The following CDKAL1 variants were observed in gnomAD, a reference collection of about 807,000 sequenced individuals.
The protein encoded by CDKAL1 is CDKAL1 threonylcarbamoyladenosine tRNA methylthiotransferase, also known as threonylcarbamoyladenosine tRNA methylthiotransferase.
CDKAL1 carries 32 observed loss-of-function variants against 68.2 expected under a neutral mutation model. The observed-to-expected ratio is 0.47, with a 90% confidence interval of 0.35 to 0.63. The LOEUF (loss-of-function observed/expected upper bound fraction) is 0.63. CDKAL1 is among the 30% of genes least tolerant of loss of function. The pLI is 0.00. For synonymous variants in CDKAL1, 234 were observed against 244.3 expected (o/e 0.96, Z 0.39); for missense variants, 606 against 696.7 (o/e 0.87, Z 1.47).
chr6:20,748,309 T>C (rs774753080), intron 6 of CDKAL1, among the ~76,000 whole-genome samples: 3 of 152,026 alleles, frequency 2.0e-5, no homozygotes, highest in Non-Finnish European at 4.4e-5. Flanking sequence ...GGCAACATAC[T>C]GAAACCTTGT....
intron 15 of CDKAL1, among the ~76,000 whole-genome samples, chr6:21,216,233 C>T (rs564144291): frequency 3.9e-5 from 6 of 152,030 alleles, no homozygotes; most frequent in South Asian, 2.1e-4. Flanking sequence ...AATTTGTTAC[C>T]GCAGCAATTG....
intron 4 of CDKAL1, among the ~76,000 whole-genome samples, chr6:20,587,171 GA>G (rs1229624367): frequency 6.6e-6 from 1 of 151,794 alleles, no homozygotes; most frequent in Non-Finnish European, 1.5e-5. Context: ...ATTTTTAGTA[GA>G]GACGCGGTTT....
At chr6:20,661,296 GC>G (rs1372251284) in intron 5 of CDKAL1, among the ~76,000 whole-genome samples, 1 of 152,076 alleles carries the variant, frequency 6.6e-6, no homozygotes, top group Non-Finnish European at 1.5e-5. Flanking sequence ...TTCTGTTGTT[GC>G]GAGGATTTTG....
intron 11 of CDKAL1, among the ~76,000 whole-genome samples, chr6:21,003,610 A>T (rs1437660222): frequency 6.6e-6 from 1 of 151,908 alleles, no homozygotes; most frequent in Non-Finnish European, 1.5e-5. Context: ...AAATATTTTA[A>T]ATAGTTCTTA....
At chr6:20,870,121 C>T (rs1760126081) in intron 9 of CDKAL1, among the ~76,000 whole-genome samples, 1 of 152,072 alleles carries the variant, frequency 6.6e-6, no homozygotes, top group South Asian at 2.1e-4. Flanking sequence ...AGAGAAAAAC[C>T]TATTCGCTTC....
intron 7 of CDKAL1, among the ~76,000 whole-genome samples, chr6:20,772,280 A>T (rs1342886980): frequency 1.3e-5 from 2 of 152,186 alleles, no homozygotes; most frequent in Admixed American, 6.5e-5. Context: ...TTTAGAATTC[A>T]GGAGAGTCTG....
intron 13 of CDKAL1, among the ~76,000 whole-genome samples, chr6:21,184,129 C>T (rs1300770164): frequency 2.0e-5 from 3 of 151,684 alleles, no homozygotes; most frequent in Non-Finnish European, 4.4e-5. Flanking sequence ...TCTGGTATAG[C>T]ATCACATGAC....
At chr6:20,914,917 A>G (rs562795623) in intron 9 of CDKAL1, among the ~76,000 whole-genome samples, 128 of 152,268 alleles carry the variant, frequency 8.4e-4, no homozygotes, top group African/African-American at 2.9e-3. Flanking sequence ...ATGCCTGAAC[A>G]TATTTTTTTA....
intron 5 of CDKAL1, among the ~76,000 whole-genome samples, chr6:20,662,128 AAG>A (rs1769312413): frequency 6.6e-6 from 1 of 152,162 alleles, no homozygotes; most frequent in African/African-American, 2.4e-5. Flanking sequence ...TGTTTGCTCT[AAG>A]AGTGACAAAC....
chr6:20,544,507 A>G (rs1456801144), intron 2 of CDKAL1, among the ~76,000 whole-genome samples: 1 of 148,484 alleles, frequency 6.7e-6, no homozygotes, highest in Non-Finnish European at 1.5e-5. Context: ...GAGGCAGGAG[A>G]ATGGCGTGAA....
chr6:20,816,431 T>G (rs1009931074), intron 8 of CDKAL1, among the ~76,000 whole-genome samples: 4 of 152,164 alleles, frequency 2.6e-5, no homozygotes, highest in African/African-American at 9.7e-5. Context: ...TGTGCTAGCA[T>G]TTAGTTATAC....
chr6:20,661,256 A>C lies in CDKAL1; in HGVS notation c.371+11879A>C, dbSNP rs568035199. ...ATATGTGAATGAATTCATTTTATTC[A>C]TCTTATGTCACAGTTTTGTTTAGTC... On this transcript the variant is annotated intron_variant, in intron 5 of 15. Coordinates refer to ENST00000274695, the MANE Select transcript of CDKAL1 (RefSeq NM_017774.3). Among the ~76,000 whole-genome samples, 12 of 152,290 alleles carry C rather than the reference A, an allele frequency of 7.9e-5. No individual in the cohort carries two copies. In the South Asian group the frequency reaches 2.5e-3, roughly 32 times the overall value.
chr6:20,894,107 T>A (rs1189753982), intron 9 of CDKAL1, among the ~76,000 whole-genome samples: 1 of 152,204 alleles, frequency 6.6e-6, no homozygotes, highest in Non-Finnish European at 1.5e-5. Flanking sequence ...TATTGGTAGT[T>A]CATTAGCTTA....
chr6:20,732,444 T>A (rs932330754), intron 5 of CDKAL1, among the ~76,000 whole-genome samples: 3 of 149,964 alleles, frequency 2.0e-5, no homozygotes, highest in Non-Finnish European at 4.5e-5. Context: ...CCTGGCTATT[T>A]TTTTTTTTTT....
At chr6:20,952,812 A>C (rs1764599025) in intron 9 of CDKAL1, among the ~76,000 whole-genome samples, 1 of 152,258 alleles carries the variant, frequency 6.6e-6, no homozygotes, top group Admixed American at 6.5e-5. Context: ...ATGACTAATC[A>C]GGAGACTTTC....
chr6:20,829,221 A>G (rs753101289), intron 8 of CDKAL1, among the ~76,000 whole-genome samples: 25 of 152,346 alleles, frequency 1.6e-4, no homozygotes, highest in Admixed American at 4.6e-4. Context: ...ATTTAACCAG[A>G]GATGGCTAGA....
chr6:21,219,022 A>G (rs1380135158), intron 15 of CDKAL1, among the ~76,000 whole-genome samples: 2 of 152,212 alleles, frequency 1.3e-5, no homozygotes, highest in Non-Finnish European at 2.9e-5. Flanking sequence ...TCAAAATAGA[A>G]AGGGAGAATG....
chr6:20,542,896 T>G (rs1763443544), intron 2 of CDKAL1, among the ~76,000 whole-genome samples: 1 of 152,218 alleles, frequency 6.6e-6, no homozygotes, highest in African/African-American at 2.4e-5. Context: ...TTCAAGCATG[T>G]TATATAAAAG....
intron 11 of CDKAL1, among the ~76,000 whole-genome samples, chr6:21,033,540 G>A (rs1338678115): frequency 6.6e-6 from 1 of 152,036 alleles, no homozygotes; most frequent in African/African-American, 2.4e-5. Context: ...AGGATGGGAA[G>A]GTTAAGAGAA....
Sources: allele counts gnomAD v4.1 joint callset (sites outside exome capture counted in the v4.1 genomes callset), GRCh38; gene constraint gnomAD v4.1.1; transcripts MANE v1.5; gene names NCBI Gene and HGNC (gene_info 2026-07-23, HGNC 2026-07-21).